The following DERA variants were observed in gnomAD, a reference collection of about 807,000 sequenced individuals.
DERA encodes the protein 2-deoxy-D-ribose 5-phosphate aldolase.
A neutral mutation model predicts 41.1 loss-of-function variants in DERA; 15 were observed. The observed-to-expected ratio is 0.37, with a 90% confidence interval of 0.24 to 0.56. The LOEUF is 0.56. Ranked by LOEUF, DERA falls within the 20% of genes least tolerant of loss-of-function variation. The pLI, the probability that DERA is intolerant of heterozygous loss-of-function variation, is 0.81. For missense variants in DERA, 396 were observed against 403.4 expected, an observed-to-expected ratio of 0.98 and a Z score of 0.16; for synonymous variants, 139 against 137.4, an observed-to-expected ratio of 1.01 and a Z score of -0.08.
chr12:15,995,088 C>T lies in DERA; in HGVS notation c.637+12652C>T, dbSNP rs770599477. ...TTTTATTAATGCACAACCCTGCTCT[C>T]TATCCTGCAATTGATCTGTATATCA... On this transcript the variant is annotated intron_variant, in intron 6 of 8. Transcript: ENST00000428559. The surrounding 1 kb of genome is among the most constrained non-coding windows in gnomAD (Gnocchi z 5.1). Among the ~76,000 whole-genome samples, 3 of 152,206 alleles carry T rather than the reference C, an allele frequency of 2.0e-5. No individual in the cohort carries two copies. Among genetic ancestry groups the T allele is most frequent in the Non-Finnish European group, 4.4e-5 (3 of 68,034 alleles).
chr12:15,927,510 A>T (rs1948295747), intron 1 of DERA, among the ~76,000 whole-genome samples: 1 of 152,214 alleles, frequency 6.6e-6, no homozygotes, highest in African/African-American at 2.4e-5. Context: ...TAGGTCATTT[A>T]AAAAATATTT....
chr12:16,021,534 G>A lies in DERA; in HGVS notation c.638-11008G>A, dbSNP rs776041704. ...GAGCCCACACAGAGTCTCCACTGCA[G>A]CGCTGTCTTAGTGGAATTGTGGGAA... On this transcript the variant is annotated intron_variant, in intron 6 of 8. Coordinates refer to ENST00000428559, the MANE Select transcript of DERA (RefSeq NM_015954.4). The surrounding 1 kb of genome is among the most constrained non-coding windows in gnomAD (Gnocchi z 5.3). Among the ~76,000 whole-genome samples, 10 of 152,216 alleles carry A rather than the reference G, an allele frequency of 6.6e-5. No homozygotes were observed. The highest frequency in any genetic ancestry group is 1.2e-4 in the African/African-American group (5 of 41,454).
rs752212999 is a variant in DERA, at chr12:15,959,779, T to C, written c.278-50T>C. On this transcript the variant is annotated intron_variant, in intron 3 of 8. Transcript: ENST00000428559. This position sits in a 1 kb window ranked among gnomAD's most constrained non-coding sequence, Gnocchi z 4.5. The stretch of plus-strand genomic sequence containing the variant: ...ATAAATAATAATTAAAAGCATGTTG[T>C]ATGAGTTGAACTTCATTGAAAGTTG... 8 of 1,272,348 alleles carry C rather than the reference T, an allele frequency of 6.3e-6. No individual in the cohort carries two copies. Among genetic ancestry groups the C allele is most frequent in the African/African-American group, 1.5e-5 (1 of 67,586 alleles). 78.8% of individuals were successfully genotyped at this position (1,272,348 alleles called of 1,614,324 possible). A position where few individuals can be genotyped will look rare whatever the true frequency, so the allele number is the denominator to read the frequency against.
chr12:15,946,304 T>A (rs1948448169), intron 1 of DERA, among the ~76,000 whole-genome samples: 1 of 152,248 alleles, frequency 6.6e-6, no homozygotes, highest in Non-Finnish European at 1.5e-5. Context: ...GAAGGAATGC[T>A]ACCAGCTCCT....
At position 15,936,704 on chromosome 12, in the gene DERA, G is replaced by C. The variant is rs962315123; in HGVS notation, c.32-20232G>C. ...AAATGAAGACTATGTATTTTATTCAGTTGTGTTTGTCTTCCTTTAGAGCAG... is the reference window on the plus strand; with the variant it reads ...AAATGAAGACTATGTATTTTATTCACTTGTGTTTGTCTTCCTTTAGAGCAG... On this transcript the variant is annotated intron_variant, in intron 1 of 8. Coordinates refer to ENST00000428559, the MANE Select transcript of DERA (RefSeq NM_015954.4). The surrounding 1 kb of genome is among the most constrained non-coding windows in gnomAD (Gnocchi z 4.6). Among the ~76,000 whole-genome samples the C allele has an allele frequency of 3.3e-5, 5 of 152,154 alleles. No homozygotes were observed. The highest frequency in any genetic ancestry group is 2.9e-5 in the Non-Finnish European group (2 of 68,022).
At chr12:16,018,581 A>G (rs181753840) in intron 6 of DERA, among the ~76,000 whole-genome samples, 47 of 152,208 alleles carry the variant, frequency 3.1e-4, no homozygotes, top group Admixed American at 2.1e-3. Context: ...TTCATCTTCT[A>G]TTTTTATCAA....
intron 6 of DERA, among the ~76,000 whole-genome samples, chr12:16,006,805 GA>G (rs2136176599): frequency 6.6e-6 from 1 of 152,330 alleles, no homozygotes; most frequent in East Asian, 1.9e-4. Flanking sequence ...AATAGTTAAG[GA>G]AAGTTCCTAA....
At position 15,983,668 on chromosome 12, in the gene DERA, G is replaced by T. The variant is rs1948746666; in HGVS notation, c.637+1232G>T. ...GTGTCCTTCTAGGGGCCCTATATTTGGATGAAGATACCTGGTTTCTCTGGT... is the reference window on the plus strand; with the variant it reads ...GTGTCCTTCTAGGGGCCCTATATTTTGATGAAGATACCTGGTTTCTCTGGT... On this transcript the variant is annotated intron_variant, in intron 6 of 8. Coordinates refer to ENST00000428559, the MANE Select transcript of DERA (RefSeq NM_015954.4). The surrounding 1 kb of genome is among the most constrained non-coding windows in gnomAD (Gnocchi z 6.2). Among the ~76,000 whole-genome samples the T allele has an allele frequency of 6.6e-6, 1 of 152,106 alleles. No individual in the cohort carries two copies. Among genetic ancestry groups the T allele is most frequent in the South Asian group, 2.1e-4 (1 of 4,832 alleles).
chr12:15,914,019 G>A (rs371526394), intron 1 of DERA, among the ~76,000 whole-genome samples: 1 of 152,176 alleles, frequency 6.6e-6, no homozygotes, highest in East Asian at 1.9e-4. Context: ...CGTGGGTAGT[G>A]ATCTTTCTTT....
Position 15,985,119 on chromosome 12 carries a change from T to C in DERA, c.637+2683T>C, listed in dbSNP as rs147240886. The C allele has an allele frequency of 2.6e-5, 4 of 152,238 alleles. No individual in the cohort carries two copies. Among genetic ancestry groups the C allele is most frequent in the Admixed American group, 2.0e-4 (3 of 15,282 alleles). 9.4% of individuals were successfully genotyped at this position (152,238 alleles called of 1,614,324 possible). Reference sequence around the variant, plus strand: ...GATCATTTCCATCCTCCTAGAAATATCTTTGTGTCCCTTTATAGTCGCCTC... The same window carrying C: ...GATCATTTCCATCCTCCTAGAAATACCTTTGTGTCCCTTTATAGTCGCCTC... On this transcript the variant is annotated intron_variant, in intron 6 of 8. Transcript: ENST00000428559. This position sits in a 1 kb window ranked among gnomAD's most constrained non-coding sequence, Gnocchi z 4.2.
rs1948825360 is a variant in DERA at position 15,994,647 on chromosome 12, GT to G, written c.637+12214del. 1.3e-5 allele frequency among the ~76,000 whole-genome samples: 2 copies of G among 152,100 alleles called. No individual in the cohort carries two copies. Among genetic ancestry groups the G allele is most frequent in the Non-Finnish European group, 2.9e-5 (2 of 68,028 alleles). ...TTTTTGTATTTTTAGTAGAGACGGG[GT>G]TTCACCATGTTAGCCAGCATGGTCT... On this transcript the variant is annotated intron_variant, in intron 6 of 8. Coordinates refer to ENST00000428559, the MANE Select transcript of DERA (RefSeq NM_015954.4). The surrounding 1 kb of genome is among the most constrained non-coding windows in gnomAD (Gnocchi z 4.8).
chr12:16,002,517 A>C (rs192273909), intron 6 of DERA, among the ~76,000 whole-genome samples: 1 of 152,234 alleles, frequency 6.6e-6, no homozygotes, highest in African/African-American at 2.4e-5. Context: ...TGTAACATAC[A>C]ATGTGACATT....
rs1175952554 is a variant in DERA, at chr12:15,967,768, G to A, written c.508+4821G>A. Reference sequence around the variant, plus strand: ...CCCTGCCAATCCTTCTGTCACTCCTGTCTAGCTGGACATGGAAACGTGGAT... The same window carrying A: ...CCCTGCCAATCCTTCTGTCACTCCTATCTAGCTGGACATGGAAACGTGGAT... On this transcript the variant is annotated intron_variant, in intron 5 of 8. Transcript: ENST00000428559. The surrounding 1 kb of genome is among the most constrained non-coding windows in gnomAD (Gnocchi z 4.9). Among the ~76,000 whole-genome samples the A allele has an allele frequency of 1.3e-5, 2 of 152,158 alleles. No individual in the cohort carries two copies. The highest frequency in any genetic ancestry group is 1.9e-4 in the East Asian group (1 of 5,186).
intron 5 of DERA, among the ~76,000 whole-genome samples, chr12:15,964,488 G>A (rs1948609937): frequency 6.6e-6 from 1 of 152,100 alleles, no homozygotes; most frequent in South Asian, 2.1e-4. Flanking sequence ...GTTCATGTGT[G>A]TGTTTTAGCC....
In DERA at chr12:16,004,288, A is replaced by T. The variant is rs1031061629; in HGVS notation, c.637+21852A>T. Among the ~76,000 whole-genome samples the T allele has an allele frequency of 1.3e-5, 2 of 152,216 alleles. No individual in the cohort carries two copies. Among genetic ancestry groups the T allele is most frequent in the African/African-American group, 4.8e-5 (2 of 41,452 alleles). The stretch of plus-strand genomic sequence containing the variant: ...ATTCAAAATATAAATAGATGCAGAG[A>T]AAAAATCAAAAGCACATATAATTCC... On this transcript the variant is annotated intron_variant, in intron 6 of 8. Transcript: ENST00000428559. This position sits in a 1 kb window ranked among gnomAD's most constrained non-coding sequence, Gnocchi z 4.2.
Position 15,922,876 on chromosome 12 carries a change from A to G in DERA, c.31+11462A>G, listed in dbSNP as rs7314928. On this transcript the variant is annotated intron_variant, in intron 1 of 8. Coordinates refer to ENST00000428559, the MANE Select transcript of DERA (RefSeq NM_015954.4). This position sits in a 1 kb window ranked among gnomAD's most constrained non-coding sequence, Gnocchi z 4.9. ...TGTAGGTTCATCAGTTGTAAGGTTT[A>G]TACCACTCTGGTGGGGGATGTTGAT... Among the ~76,000 whole-genome samples, 120,664 of 151,874 alleles carry G rather than the reference A, an allele frequency of 0.79. 48,446 individuals carry two copies. Among genetic ancestry groups the G allele is most frequent in the East Asian group, 0.91 (4,723 of 5,168 alleles).
At chr12:15,980,061 G>A (rs1049256188) in intron 5 of DERA, among the ~76,000 whole-genome samples, 101 of 152,154 alleles carry the variant, frequency 6.6e-4, no homozygotes, top group African/African-American at 2.4e-3. Context: ...AACTGGGTCA[G>A]GCCATGAAAT....
chr12:15,929,397 CG>C (rs1327316954), intron 1 of DERA, among the ~76,000 whole-genome samples: 1 of 152,134 alleles, frequency 6.6e-6, no homozygotes, highest in Admixed American at 6.5e-5. Flanking sequence ...CCCTCTAATT[CG>C]GTTTTGAACA....
chr12:16,022,980 A>G (rs991972757), intron 6 of DERA, among the ~76,000 whole-genome samples: 1 of 152,056 alleles, frequency 6.6e-6, no homozygotes, highest in African/African-American at 2.4e-5. Flanking sequence ...AGTAAAGCCT[A>G]CTCTAGGACA....
Sources: allele counts gnomAD v4.1 joint callset (sites outside exome capture counted in the v4.1 genomes callset), GRCh38; gene constraint gnomAD v4.1.1; non-coding constraint Gnocchi (gnomAD v3.1); transcripts MANE v1.5; gene names NCBI Gene and HGNC (gene_info 2026-07-23, HGNC 2026-07-21).